ADGRG1: variants seen among roughly 807,000 people sequenced by gnomAD.
The protein encoded by ADGRG1 is 7-transmembrane protein with no EGF-like N-terminal domains-1.
A neutral mutation model predicts 73.5 loss-of-function variants in ADGRG1; 53 were observed. The ratio of observed to expected loss-of-function variants is 0.72; its 90% CI spans 0.58 to 0.91. ADGRG1 has a LOEUF of 0.91. ADGRG1 is among the 40% of genes least tolerant of loss of function. ADGRG1 has a pLI of 0.00. For synonymous variants in ADGRG1, 394 were observed against 374.4 expected (o/e 1.05, Z -0.60); for missense variants, 795 against 871.8 (o/e 0.91, Z 1.11).
At chr16:57,644,670 TCA>T (rs1321212078) in intron 1 of ADGRG1, among the ~76,000 whole-genome samples, 6 of 111,000 alleles carry the variant, frequency 5.4e-5, no homozygotes, top group African/African-American at 1.1e-4. Flanking sequence ...CACACACTCC[TCA>T]CACACTCATG....
rs1411446297 is a variant in ADGRG1, at chr16:57,628,905, TGAGTGTGTGAGA to T, written c.-36+105_-36+116del. Reference sequence around the variant, plus strand: ...GTGTGAGAGTGTGAGTGTGTGAGTGTGAGTGTGTGAGAGTGAGTGTGAGTGTGAGTGTGAGCG... The same window carrying T: ...GTGTGAGAGTGTGAGTGTGTGAGTGTGTGAGTGTGAGTGTGAGTGTGAGCG... On this transcript the variant is annotated intron_variant, in intron 1 of 13. Transcript: ENST00000562631. 64 of 870,484 alleles carry T rather than the reference TGAGTGTGTGAGA, an allele frequency of 7.4e-5. 1 individual carries two copies. In the African/African-American group the frequency reaches 1.8e-3, roughly 25 times the overall value. 53.9% of individuals were successfully genotyped at this position (870,484 alleles called of 1,614,324 possible). A position where few individuals can be genotyped will look rare whatever the true frequency, so the allele number is the denominator to read the frequency against.
upstream of ADGRG1, among the ~76,000 whole-genome samples, chr16:57,626,012 C>T (rs749326899): frequency 3.8e-4 from 58 of 152,188 alleles, no homozygotes; most frequent in Admixed American, 8.5e-4. Context: ...TATAGAAAGG[C>T]GTGGGTAGCC....
chr16:57,638,843 G>A (rs2040013827), intron 1 of ADGRG1, among the ~76,000 whole-genome samples: 1 of 152,052 alleles, frequency 6.6e-6, no homozygotes, highest in African/African-American at 2.4e-5. Context: ...AGGCCGAGGC[G>A]GGCATATCAT....
chr16:57,651,536 C>T lies in ADGRG1; in HGVS notation c.401C>T (p.Pro134Leu), dbSNP rs138344683. The T allele has an allele frequency of 1.6e-4, 255 of 1,614,218 alleles. No homozygotes were observed. In the Admixed American group the frequency reaches 2.9e-3, roughly 19 times the overall value. Reference protein sequence around the residue: ...HQEESLAQGPPLLATSVTSWW... With the variant: ...HQEESLAQGPLLLATSVTSWW... ...GAGGAGAGCCTGGCTCAGGGCCCCC[C>T]GCTGTTAGCCACTTCTGTCACCTCC... The change falls in exon 3 of 14, where the codon CCG becomes CTG. Residue 134 changes from proline to leucine, a missense_variant. By Grantham distance (98) the Pro-to-Leu change is moderately conservative. Coordinates refer to ENST00000562631, the MANE Select transcript of ADGRG1 (RefSeq NM_201525.4).
In ADGRG1 at chr16:57,659,512, G is replaced by C; in HGVS notation, c.1386G>C (p.Leu462=). The change falls in exon 11 of 14, where the codon CTG becomes CTC. Residue 462 remains leucine (L), a synonymous_variant. Transcript: ENST00000562631. The stretch of plus-strand genomic sequence containing the variant: ...TCCTGCTCAGCGAGCCGGTGGCCCT[G>C]ACAGGCTCTGAGGCTGGCTGCCGAG... ...TSFLLSEPVA[L]TGSEAGCRAS... The C allele has an allele frequency of 6.2e-7, 1 of 1,613,988 alleles. No individual in the cohort carries two copies. The highest frequency in any genetic ancestry group is 8.5e-7 in the Non-Finnish European group (1 of 1,179,936).
At position 57,663,792 on chromosome 16, in the gene ADGRG1, C is replaced by T; in HGVS notation, c.*210C>T. The stretch of plus-strand genomic sequence containing the variant: ...TGGGGACTACTCGGCTCTCACTCAG[C>T]TCCCACGGGACTCAGAAGTGCGCCG... On this transcript the variant is annotated 3_prime_UTR_variant, in exon 14 of 14. Coordinates refer to ENST00000562631, the MANE Select transcript of ADGRG1 (RefSeq NM_201525.4). The T allele has an allele frequency of 3.2e-6, 2 of 620,302 alleles. No individual in the cohort carries two copies. The highest frequency in any genetic ancestry group is 5.3e-5 in the Admixed American group (2 of 37,730). 38.4% of individuals were successfully genotyped at this position (620,302 alleles called of 1,614,324 possible). A position where few individuals can be genotyped will look rare whatever the true frequency, so the allele number is the denominator to read the frequency against.
intron 1 of ADGRG1, chr16:57,631,465 C>G: frequency 9.1e-6 from 9 of 985,476 alleles, no homozygotes; most frequent in Non-Finnish European, 1.1e-5. Context: ...GTGGGGAAGT[C>G]GGGTGGAAGT....
Position 57,651,203 on chromosome 16 carries a change from C to T in ADGRG1, c.68C>T (p.Ala23Val). 2 of 1,614,014 alleles carry T rather than the reference C, an allele frequency of 1.2e-6. No individual in the cohort carries two copies. Among genetic ancestry groups the T allele is most frequent in the Non-Finnish European group, 1.7e-6 (2 of 1,179,964 alleles). The stretch of plus-strand genomic sequence containing the variant: ...TCTGCAGCCTCTGCCTCCTCAGGTG[C>T]CCACGGCAGGGGCCACAGGGAAGAC... ...LLSLLFLVQG[A>V]HGRGHREDFR... Residue 23 changes from alanine (A) to valine (V), a missense_variant, in exon 3 of 14, where the codon GCC becomes GTC. Transcript: ENST00000562631.
intron 1 of ADGRG1, chr16:57,637,256 C>T (rs1413306127): frequency 3.2e-5 from 30 of 950,730 alleles, no homozygotes; most frequent in East Asian, 1.2e-4. Context: ...CGACCCTGGT[C>T]GGGAATGTTG....
intron 1 of ADGRG1, chr16:57,639,256 C>T: frequency 1.0e-6 from 1 of 985,462 alleles, no homozygotes; most frequent in Non-Finnish European, 1.2e-6. Flanking sequence ...CTCCCTCCTG[C>T]CAGCTCCCTG....
At chr16:57,657,595 G>A (rs1160012698) in intron 10 of ADGRG1, 104 bp downstream of exon 10, 2 of 907,714 alleles carry the variant, frequency 2.2e-6, no homozygotes, top group South Asian at 1.3e-5. Context: ...GCATGACCTG[G>A]AACTGTGTGT....
At chr16:57,662,388 G>A (rs983374912) in intron 13 of ADGRG1, among the ~76,000 whole-genome samples, 1 of 149,608 alleles carries the variant, frequency 6.7e-6, no homozygotes. Context: ...GTGAAGACAA[G>A]AGAAGGATCC....
chr16:57,636,328 C>T (rs2039356677), intron 1 of ADGRG1: 2 of 985,254 alleles, frequency 2.0e-6, no homozygotes, highest in South Asian at 4.7e-5. Context: ...CTGTCTGTGG[C>T]CCCAGTGGCA....
chr16:57,638,721 TC>T (rs2039978732), intron 1 of ADGRG1, among the ~76,000 whole-genome samples: 1 of 152,162 alleles, frequency 6.6e-6, no homozygotes, highest in Admixed American at 6.5e-5. Context: ...CAGAAGCAAA[TC>T]CAGCTACTGT....
chr16:57,655,699 G>T (rs1325854750), intron 6 of ADGRG1, 169 bp downstream of exon 6: 3 of 985,426 alleles, frequency 3.0e-6, no homozygotes, highest in Non-Finnish European at 2.4e-6. Flanking sequence ...GCTAAGCAAT[G>T]TTCTTCTTAC....
upstream of ADGRG1, chr16:57,625,662 G>C (rs145868832): frequency 1.0e-6 from 1 of 984,792 alleles, no homozygotes; most frequent in Non-Finnish European, 1.2e-6. Flanking sequence ...TACACATTCA[G>C]ATTCAGCAGG....
chr16:57,661,790 G>A lies in ADGRG1; in HGVS notation c.1758G>A (p.Met586Ile), dbSNP rs762034349. ...TCAACATGGCCATGCTAGCCACCAT[G>A]GTGGTGCAGATCCTGCGGCTGCGCC... ...FLFNMAMLAT[M>I]VVQILRLRPH... is the part of the protein sequence containing the mutation. The change falls in exon 13 of 14, where the codon ATG becomes ATA. Residue 586 changes from methionine (M) to isoleucine (I), a missense_variant. Met to Ile is a conservative substitution (Grantham distance 10, BLOSUM62 1). Transcript: ENST00000562631. The A allele has an allele frequency of 6.2e-7, 1 of 1,614,260 alleles. No individual in the cohort carries two copies. The highest frequency in any genetic ancestry group is 8.5e-7 in the Non-Finnish European group (1 of 1,180,046).
At chr16:57,657,582 C>A in intron 10 of ADGRG1, 91 bp downstream of exon 10, 1 of 977,606 alleles carries the variant, frequency 1.0e-6, no homozygotes, top group African/African-American at 1.6e-5. Flanking sequence ...TCATGGCCCG[C>A]CCGCATGACC....
chr16:57,652,185 A>C (rs2044271618), intron 3 of ADGRG1: 1 of 992,454 alleles, frequency 1.0e-6, no homozygotes, highest in Non-Finnish European at 1.2e-6. Context: ...AGTGGGGTTG[A>C]CTCTGAGGTC....
Sources: allele counts gnomAD v4.1 joint callset (sites outside exome capture counted in the v4.1 genomes callset), GRCh38; gene constraint gnomAD v4.1.1; transcripts MANE v1.5; gene names NCBI Gene and HGNC (gene_info 2026-07-23, HGNC 2026-07-21).